The following WDPCP variants were observed in gnomAD, a reference collection of about 807,000 sequenced individuals.
The protein encoded by WDPCP is WD repeat containing planar cell polarity effector, also known as WD repeat-containing and planar cell polarity effector protein fritz homolog.
Under a neutral mutation model 93.1 loss-of-function variants are expected in WDPCP, and 71 were observed. The observed-to-expected ratio is 0.76, with a 90% confidence interval of 0.63 to 0.93. The LOEUF (loss-of-function observed/expected upper bound fraction) is 0.93, where lower values mean the gene tolerates loss of function less well. Ranked by LOEUF, WDPCP falls within the 40% of genes least tolerant of loss-of-function variation. The pLI is 0.00. For missense variants in WDPCP, 844 were observed against 887.4 expected, an observed-to-expected ratio of 0.95 and a Z score of 0.62; for synonymous variants, 315 against 315.0, an observed-to-expected ratio of 1.00 and a Z score of 0.00.
chr2:63,734,763 T>C (rs527725614), intron 2 of WDPCP, among the ~76,000 whole-genome samples: 1 of 152,238 alleles, frequency 6.6e-6, no homozygotes, highest in Non-Finnish European at 1.5e-5. Flanking sequence ...ACCTGCAGTT[T>C]AAGTTATTGC....
rs150348201 is a variant in WDPCP, at chr2:63,312,481, C to T, written c.1812+767G>A. On this transcript the variant is annotated intron_variant, in intron 13 of 17. Transcript: ENST00000272321. ...TAAACTACAAAATGTCTTAATTGTGCAAAAGATTCAGGCAAAAGCACCTTC... is the reference window on the plus strand; with the variant it reads ...TAAACTACAAAATGTCTTAATTGTGTAAAAGATTCAGGCAAAAGCACCTTC... 1.2e-3 allele frequency among the ~76,000 whole-genome samples: 178 copies of T among 152,218 alleles called. 2 individuals are homozygous for T. The highest frequency in any genetic ancestry group is 3.9e-3 in the African/African-American group (164 of 41,544).
At chr2:63,314,346 T>A (rs1437137496) in intron 12 of WDPCP, among the ~76,000 whole-genome samples, 2 of 152,076 alleles carry the variant, frequency 1.3e-5, no homozygotes, top group African/African-American at 4.8e-5. Flanking sequence ...TTTTTGTATT[T>A]TTTGTAGAGA....
intron 12 of WDPCP, among the ~76,000 whole-genome samples, chr2:63,331,822 T>C (rs1687997521): frequency 6.6e-6 from 1 of 152,144 alleles, no homozygotes; most frequent in Admixed American, 6.5e-5. Context: ...TCCTTTTCAA[T>C]AATATCATAA....
chr2:63,476,735 T>C lies in WDPCP; in HGVS notation c.384+7869A>G, dbSNP rs146334414. Among the ~76,000 whole-genome samples the C allele has an allele frequency of 1.9e-3, 288 of 152,312 alleles. 2 individuals are homozygous for C. Among genetic ancestry groups the C allele is most frequent in the African/African-American group, 6.3e-3 (264 of 41,578 alleles). On this transcript the variant is annotated intron_variant, in intron 6 of 17. Coordinates refer to ENST00000272321, the MANE Select transcript of WDPCP (RefSeq NM_015910.7). ...TAAGCTATTATTAATAGTTATAACT[T>C]GAAAACATGGTATGTCTATTATTAT...
At chr2:63,613,200 C>T (rs577244865) in intron 3 of WDPCP, among the ~76,000 whole-genome samples, 2 of 152,300 alleles carry the variant, frequency 1.3e-5, no homozygotes, top group South Asian at 4.1e-4. Flanking sequence ...GGGGGAAAAT[C>T]CCAAGAACTT....
chr2:63,728,452 C>T (rs1426673633), intron 2 of WDPCP, among the ~76,000 whole-genome samples: 4 of 152,174 alleles, frequency 2.6e-5, no homozygotes, highest in African/African-American at 9.6e-5. Flanking sequence ...GAAGGGGCCT[C>T]CTTAAATTCT....
At chr2:63,642,563 T>C (rs963823032) in intron 3 of WDPCP, 2 of 152,022 alleles carry the variant, frequency 1.3e-5, no homozygotes, top group African/African-American at 4.8e-5. Flanking sequence ...TTTGTGGCTA[T>C]TGTAAATGGG....
chr2:63,342,979 A>C (rs1688950990), intron 12 of WDPCP, among the ~76,000 whole-genome samples: 1 of 151,908 alleles, frequency 6.6e-6, no homozygotes, highest in Admixed American at 6.6e-5. Flanking sequence ...TTTAAGAGAT[A>C]ATTTTGCTGG....
At chr2:63,215,891 G>C (rs958667964) in intron 14 of WDPCP, among the ~76,000 whole-genome samples, 1 of 152,168 alleles carries the variant, frequency 6.6e-6, no homozygotes, top group Non-Finnish European at 1.5e-5. Flanking sequence ...CCAAAAGTGG[G>C]CAAAGGATAT....
At chr2:63,274,942 C>T (rs988659020) in intron 13 of WDPCP, among the ~76,000 whole-genome samples, 12 of 152,150 alleles carry the variant, frequency 7.9e-5, no homozygotes, top group Non-Finnish European at 1.8e-4. Context: ...CTAACTCATT[C>T]TATGAGGTCA....
intron 2 of WDPCP, among the ~76,000 whole-genome samples, chr2:63,784,310 T>A (rs1670438685): frequency 6.6e-6 from 1 of 152,014 alleles, no homozygotes; most frequent in South Asian, 2.1e-4. Flanking sequence ...AGAGAAGGGG[T>A]CCCAAAGACA....
intron 12 of WDPCP, among the ~76,000 whole-genome samples, chr2:63,350,281 G>A (rs1040814712): frequency 1.3e-5 from 2 of 152,054 alleles, no homozygotes; most frequent in Non-Finnish European, 2.9e-5. Flanking sequence ...CCCACACCGG[G>A]GCATGTCGGA....
At chr2:63,714,129 C>T (rs556010543) in intron 2 of WDPCP, among the ~76,000 whole-genome samples, 1 of 149,590 alleles carries the variant, frequency 6.7e-6, no homozygotes, top group East Asian at 2.0e-4. Flanking sequence ...CATCTTGGCT[C>T]ACTGCAACTT....
chr2:63,216,440 A>C (rs1423609089), intron 14 of WDPCP, among the ~76,000 whole-genome samples: 1 of 152,214 alleles, frequency 6.6e-6, no homozygotes, highest in African/African-American at 2.4e-5. Flanking sequence ...CATCATTCTA[A>C]GCAAACTATC....
chr2:63,142,084 A>G (rs1671100923), intron 17 of WDPCP, among the ~76,000 whole-genome samples: 1 of 152,126 alleles, frequency 6.6e-6, no homozygotes, highest in Non-Finnish European at 1.5e-5. Context: ...TCAAAGAACC[A>G]GCTTTTTGTC....
intron 2 of WDPCP, among the ~76,000 whole-genome samples, chr2:63,718,787 A>G (rs1365536816): frequency 6.6e-6 from 1 of 152,244 alleles, no homozygotes. Flanking sequence ...CTTCAAAAAA[A>G]TACAGAAAGG....
chr2:63,424,469 C>A (rs1696110203), intron 9 of WDPCP, among the ~76,000 whole-genome samples: 1 of 152,138 alleles, frequency 6.6e-6, no homozygotes, highest in Admixed American at 6.5e-5. Context: ...CCCGCTTGGC[C>A]ACTCCTGCAA....
intron 3 of WDPCP, among the ~76,000 whole-genome samples, chr2:63,618,392 C>T (rs2106633838): frequency 6.6e-6 from 1 of 152,340 alleles, no homozygotes; most frequent in African/African-American, 2.4e-5. Flanking sequence ...TCCTTCAACA[C>T]ACAAAGTACA....
At chr2:63,344,333 C>G (rs547898291) in intron 12 of WDPCP, among the ~76,000 whole-genome samples, 1 of 152,276 alleles carries the variant, frequency 6.6e-6, no homozygotes, top group South Asian at 2.1e-4. Flanking sequence ...AGCACAATAA[C>G]AAATGAACAA....
Sources: allele counts gnomAD v4.1 joint callset (sites outside exome capture counted in the v4.1 genomes callset), GRCh38; gene constraint gnomAD v4.1.1; transcripts MANE v1.5; gene names NCBI Gene and HGNC (gene_info 2026-07-23, HGNC 2026-07-21).